PPFIA4: variants seen among roughly 807,000 people sequenced by gnomAD.
PPFIA4 encodes liprin-alpha-4.
PPFIA4 carries 98 observed loss-of-function variants against 145.7 expected under a neutral mutation model. The ratio of observed to expected loss-of-function variants is 0.67; its 90% CI spans 0.57 to 0.80. PPFIA4 has a LOEUF of 0.80. PPFIA4 is among the 30% of genes least tolerant of loss of function. PPFIA4 has a pLI of 0.00. For missense variants in PPFIA4, 1,457 were observed against 1,632.7 expected, an observed-to-expected ratio of 0.89 and a Z score of 1.85; for synonymous variants, 628 against 649.6, an observed-to-expected ratio of 0.97 and a Z score of 0.51.
At chr1:203,056,331 G>A (rs757014222) in intron 17 of PPFIA4, 44 bp from the exon 18 acceptor site, 2 of 1,607,430 alleles carry the variant, frequency 1.2e-6, no homozygotes, top group East Asian at 2.2e-5. Context: ...AGGCAGGCCC[G>A]AGATCTCTCC....
chr1:203,066,565 C>T (rs10920559), intron 25 of PPFIA4, among the ~76,000 whole-genome samples: 49,991 of 151,974 alleles, frequency 0.33, 8,574 homozygotes, highest in Middle Eastern at 0.43. Flanking sequence ...GTAATGAGTT[C>T]GCTGCCCCTG....
rs1178146002 is a variant in PPFIA4 at position 203,045,479 on chromosome 1, G to A, written c.778G>A (p.Glu260Lys). Reference protein sequence around the residue: ...VTLTTTVTELEEDLGTARRDL... With the variant: ...VTLTTTVTELKEDLGTARRDL... Reference sequence around the variant, plus strand: ...CCTAACAACAACCGTGACTGAACTCGAGGAGGACCTGGGCACGGCCCGCCG... The same window carrying A: ...CCTAACAACAACCGTGACTGAACTCAAGGAGGACCTGGGCACGGCCCGCCG... Residue 260 changes from glutamate (E) to lysine (K), a missense_variant, in exon 7 of 30, where the codon GAG becomes AAG. This residue lies in a region of PPFIA4 where 463 missense variants were observed against 459.8 expected (regional missense o/e 1.01). Transcript: ENST00000295706. 6.8e-6 allele frequency: 11 copies of A among 1,609,026 alleles called. No individual in the cohort carries two copies. The highest frequency in any genetic ancestry group is 3.3e-5 in the South Asian group (3 of 90,176).
rs756679845 is a variant in PPFIA4, at chr1:203,077,692, G to A, written c.*1302G>A. 1.3e-5 allele frequency: 2 copies of A among 152,356 alleles called. No individual in the cohort carries two copies. The highest frequency in any genetic ancestry group is 1.9e-4 in the East Asian group (1 of 5,180). 9.4% of individuals were successfully genotyped at this position (152,356 alleles called of 1,614,324 possible). ...TTTTCATTGCTTTCCCCAGCAGCAT[G>A]ATGGGAACCCAAGCTGAGGGATACA... On this transcript the variant is annotated 3_prime_UTR_variant, in exon 30 of 30. Coordinates refer to ENST00000295706, the MANE Select transcript of PPFIA4 (RefSeq NM_001304331.2).
intron 1 of PPFIA4, among the ~76,000 whole-genome samples, chr1:203,038,209 G>A (rs1558066233): frequency 6.6e-6 from 1 of 152,162 alleles, no homozygotes; most frequent in Non-Finnish European, 1.5e-5. Context: ...TAAGTGATGG[G>A]GAAAAGGTTG....
chr1:203,066,702 G>C (rs1202078070), intron 25 of PPFIA4, among the ~76,000 whole-genome samples: 2 of 152,182 alleles, frequency 1.3e-5, no homozygotes, highest in Admixed American at 1.3e-4. Flanking sequence ...GTGGTTCTAT[G>C]CCTGGCTTAG....
In PPFIA4 at chr1:203,055,363, C is replaced by T. The variant is rs916954994; in HGVS notation, c.1830-69C>T. On this transcript the variant is annotated intron_variant, in intron 15 of 29. Coordinates refer to ENST00000295706, the MANE Select transcript of PPFIA4 (RefSeq NM_001304331.2). The surrounding 1 kb of genome is among the most constrained non-coding windows in gnomAD (Gnocchi z 4.8). Reference sequence around the variant, plus strand: ...GGTCCTTGGTGGCGAGTGCAGGCATCGACCCGCACTGCCTCCTGCTGGTCC... The same window carrying T: ...GGTCCTTGGTGGCGAGTGCAGGCATTGACCCGCACTGCCTCCTGCTGGTCC... The T allele has an allele frequency of 1.4e-4, 215 of 1,590,230 alleles. 1 individual carries two copies. The South Asian group carries it at 2.0e-3, about 15-fold the overall frequency.
chr1:203,049,810 G>C (rs1047059427), intron 13 of PPFIA4, 43 bp downstream of exon 13: 2 of 1,448,678 alleles, frequency 1.4e-6, no homozygotes, highest in Non-Finnish European at 1.8e-6. Flanking sequence ...ACGGGGTCCT[G>C]ATGGACCGTG....
Position 203,055,796 on chromosome 1 carries a change from A to C in PPFIA4, c.2070+124A>C, listed in dbSNP as rs1571710167. On this transcript the variant is annotated intron_variant, in intron 16 of 29. Coordinates refer to ENST00000295706, the MANE Select transcript of PPFIA4 (RefSeq NM_001304331.2). This position sits in a 1 kb window ranked among gnomAD's most constrained non-coding sequence, Gnocchi z 4.8. ...CATCTTCTTCCCATGGTGTGTGCAG[A>C]CCCCGACATGTCAGGCCACCAGCCT... The C allele has an allele frequency of 3.5e-6, 5 of 1,433,362 alleles. No individual in the cohort carries two copies. Among genetic ancestry groups the C allele is most frequent in the South Asian group, 1.3e-5 (1 of 76,400 alleles). 88.8% of individuals were successfully genotyped at this position (1,433,362 alleles called of 1,614,324 possible).
chr1:203,036,150 G>T (rs925570855), intron 1 of PPFIA4, among the ~76,000 whole-genome samples: 3 of 152,132 alleles, frequency 2.0e-5, no homozygotes, highest in Non-Finnish European at 2.9e-5. Context: ...CCACCCACAG[G>T]TGGCCAACAC....
At chr1:203,051,031 C>T (rs1660470006) in intron 13 of PPFIA4, among the ~76,000 whole-genome samples, 1 of 152,114 alleles carries the variant, frequency 6.6e-6, no homozygotes, top group South Asian at 2.1e-4. Context: ...CTGTTGTAGG[C>T]TCACTGTGTC....
chr1:203,056,167 C>T lies in PPFIA4; in HGVS notation c.2106+12C>T, dbSNP rs1408748734. On this transcript the variant is annotated intron_variant, in intron 17 of 29. Coordinates refer to ENST00000295706, the MANE Select transcript of PPFIA4 (RefSeq NM_001304331.2). ...GGAGGAAGCTGCTGGTGAGTGCTGC[C>T]TGATGGCCCAGGTACTAACGGGTTC... is the stretch of plus-strand genomic sequence containing the variant. 1.2e-6 allele frequency: 2 copies of T among 1,613,846 alleles called. No individual in the cohort carries two copies. Among genetic ancestry groups the T allele is most frequent in the African/African-American group, 2.7e-5 (2 of 74,908 alleles).
At chr1:203,061,821 C>A in intron 24 of PPFIA4, 143 bp downstream of exon 24, 1 of 827,706 alleles carries the variant, frequency 1.2e-6, no homozygotes, top group East Asian at 3.2e-5. Context: ...TCAGAGTGCC[C>A]CCCGCCCCCA....
chr1:203,076,691 G>C lies in PPFIA4; in HGVS notation c.*301G>C. The C allele has an allele frequency of 2.1e-6, 1 of 469,936 alleles. No individual in the cohort carries two copies. Among genetic ancestry groups the C allele is most frequent in the Non-Finnish European group, 3.9e-6 (1 of 258,318 alleles). 29.1% of individuals were successfully genotyped at this position (469,936 alleles called of 1,614,324 possible). A position where few individuals can be genotyped will look rare whatever the true frequency, so the allele number is the denominator to read the frequency against. On this transcript the variant is annotated 3_prime_UTR_variant, in exon 30 of 30. Coordinates refer to ENST00000295706, the MANE Select transcript of PPFIA4 (RefSeq NM_001304331.2). Reference sequence around the variant, plus strand: ...AAGGGCAGCTCAGGGTGGATGTGAAGCCACCCTTCCTCTTCTGGACCCAGC... The same window carrying C: ...AAGGGCAGCTCAGGGTGGATGTGAACCCACCCTTCCTCTTCTGGACCCAGC...
chr1:203,060,139 C>T lies in PPFIA4; in HGVS notation c.2584-78C>T. 1 of 1,425,292 alleles carries T rather than the reference C, an allele frequency of 7.0e-7. No individual in the cohort carries two copies. Among genetic ancestry groups the T allele is most frequent in the South Asian group, 1.2e-5 (1 of 80,604 alleles). The allele number at this position is 1,425,292 out of a possible 1,614,324, so 88.3% of individuals were successfully genotyped here. ...TTCGAGTCCGTGGATGAGGCCTGGC[C>T]CTTGCCCCTTGCTGTTGCCAAACTC... On this transcript the variant is annotated intron_variant, in intron 21 of 29. Coordinates refer to ENST00000295706, the MANE Select transcript of PPFIA4 (RefSeq NM_001304331.2). This position sits in a 1 kb window ranked among gnomAD's most constrained non-coding sequence, Gnocchi z 4.8.
chr1:203,035,819 G>A (rs1292321089), intron 1 of PPFIA4, among the ~76,000 whole-genome samples: 1 of 149,276 alleles, frequency 6.7e-6, no homozygotes, highest in East Asian at 2.0e-4. Context: ...GAGGACAGGG[G>A]CAGGAGGTCC....
At chr1:203,059,332 C>T (rs1042488034) in intron 20 of PPFIA4, 61 bp downstream of exon 20, 1 of 1,354,598 alleles carries the variant, frequency 7.4e-7, no homozygotes, top group Non-Finnish European at 1.0e-6. Flanking sequence ...ACTTCCCTTC[C>T]CCTGGGCTGC....
At chr1:203,045,753 C>T in intron 7 of PPFIA4, 88 bp from the exon 8 acceptor site, 3 of 1,587,754 alleles carry the variant, frequency 1.9e-6, no homozygotes, top group Non-Finnish European at 2.6e-6. Flanking sequence ...TAATGGGTTC[C>T]AATCAGCCAG....
intron 2 of PPFIA4, among the ~76,000 whole-genome samples, chr1:203,040,090 AG>A (rs942615653): frequency 6.6e-6 from 1 of 152,198 alleles, no homozygotes; most frequent in African/African-American, 2.4e-5. Flanking sequence ...AGGGAGCAGG[AG>A]CCTGGATGAT....
rs1343335740 is a variant in PPFIA4, at chr1:203,043,534, G to A, written c.336+36G>A. 2.2e-5 allele frequency: 22 copies of A among 978,828 alleles called. No individual in the cohort carries two copies. The highest frequency in any genetic ancestry group is 7.7e-5 in the East Asian group (2 of 26,040). The allele number at this position is 978,828 out of a possible 1,614,324, so 60.6% of individuals were successfully genotyped here. ...ATGACCTTGTGTCGCGCGCGCGCAC[G>A]TGTGTGTGTGTGTGTATGGGGGTGT... On this transcript the variant is annotated intron_variant, in intron 3 of 29. Coordinates refer to ENST00000295706, the MANE Select transcript of PPFIA4 (RefSeq NM_001304331.2). The surrounding 1 kb of genome is among the most constrained non-coding windows in gnomAD (Gnocchi z 4.4).
Sources: gnomAD v4.1 joint callset for allele counts (sites outside exome capture counted in the v4.1 genomes callset) on GRCh38, gnomAD v4.1.1 for gene constraint, gnomAD v4.1.1 regional missense constraint, Gnocchi (gnomAD v3.1) non-coding constraint, MANE v1.5 for transcripts, NCBI Gene and HGNC (gene_info 2026-07-23, HGNC 2026-07-21) for gene names.